UPK2: variants seen among roughly 807,000 people sequenced by gnomAD.
UPK2 encodes the protein uroplakin 2, also known as uroplakin-2.
In UPK2, 19 loss-of-function variants were observed where a neutral mutation model predicts 14.8. The ratio of observed to expected loss-of-function variants is 1.29; its 90% CI spans 0.90 to 1.89. The LOEUF (loss-of-function observed/expected upper bound fraction) is 1.89, where lower values mean the gene tolerates loss of function less well. Among genes scored for constraint, UPK2 ranks in the 40% most tolerant of loss-of-function variants. UPK2 has a pLI of 0.00. For missense variants in UPK2, 232 were observed against 236.0 expected, an observed-to-expected ratio of 0.98 and a Z score of 0.11; for synonymous variants, 102 against 101.6, an observed-to-expected ratio of 1.00 and a Z score of -0.02.
chr11:118,957,397 G>C (rs776195130), intron 3 of UPK2, 51 bp downstream of exon 3: 1 of 1,603,336 alleles, frequency 6.2e-7, no homozygotes, highest in East Asian at 2.3e-5. Flanking sequence ...TGCAGGAAGA[G>C]AGAGAAGCTA....
Position 118,958,457 on chromosome 11 carries a change from G to C in UPK2, c.*224G>C. ...TTCCTCTCACCCCACTCCTGTCAGA[G>C]TTGACTTTCCTCCCATTTTACCACT... On this transcript the variant is annotated 3_prime_UTR_variant, in exon 5 of 5. Transcript: ENST00000264031. This position sits in a 1 kb window ranked among gnomAD's most constrained non-coding sequence, Gnocchi z 4.6. The C allele has an allele frequency of 1.9e-6, 1 of 518,808 alleles. No individual in the cohort carries two copies. The highest frequency in any genetic ancestry group is 3.4e-6 in the Non-Finnish European group (1 of 292,666). The allele number at this position is 518,808 out of a possible 1,614,324, so 32.1% of individuals were successfully genotyped here. A position where few individuals can be genotyped will look rare whatever the true frequency, so the allele number is the denominator to read the frequency against.
rs142311603 is a variant in UPK2 at position 118,958,241 on chromosome 11, T to G, written c.*8T>G. ...CTGGGCTCCCGCAAGTAAGGAGGTC[T>G]GCCCGGAGCAGCAGCTTCTCCAGGA... On this transcript the variant is annotated 3_prime_UTR_variant, in exon 5 of 5. Transcript: ENST00000264031. The surrounding 1 kb of genome is among the most constrained non-coding windows in gnomAD (Gnocchi z 4.6). 6.2e-4 allele frequency: 997 copies of G among 1,609,716 alleles called. 8 individuals are homozygous for G. The African/African-American group carries it at 0.012, about 20-fold the overall frequency.
chr11:118,957,624 C>A lies in UPK2; in HGVS notation c.374C>A (p.Thr125Lys), dbSNP rs1014708283. The A allele has an allele frequency of 6.2e-7, 1 of 1,614,148 alleles. No homozygotes were observed. The change falls in exon 4 of 5, where the codon ACA becomes AAA. Residue 125 changes from threonine (T) to lysine (K), a missense_variant. Transcript: ENST00000264031. ...FYISYLVKKG[T>K]ATESSREIPM... ...ATTTCCTACCTAGTGAAGAAGGGGA[C>A]AGCCACTGAGTCCAGCAGAGAGATC...
chr11:118,958,030 AG>A lies in UPK2; in HGVS notation c.419-65del, dbSNP rs1941578680. 3.9e-6 allele frequency: 6 copies of A among 1,550,482 alleles called. No homozygotes were observed. Among genetic ancestry groups the A allele is most frequent in the Admixed American group, 1.9e-5 (1 of 53,180 alleles). ...GCAGTCTGTTGGCTGGATGAGTGTGAGGCCGTGAGCCTCAGGCAGGCTGGGG... is the reference window on the plus strand; with the variant it reads ...GCAGTCTGTTGGCTGGATGAGTGTGAGCCGTGAGCCTCAGGCAGGCTGGGG... On this transcript the variant is annotated intron_variant, in intron 4 of 4. Transcript: ENST00000264031. This position sits in a 1 kb window ranked among gnomAD's most constrained non-coding sequence, Gnocchi z 4.6.
chr11:118,957,133 C>T, intron 2 of UPK2, 75 bp from the exon 3 acceptor site: 2 of 1,610,658 alleles, frequency 1.2e-6, no homozygotes, highest in Non-Finnish European at 1.7e-6. Flanking sequence ...GGTACCCACA[C>T]TCTAAAAGCT....
In UPK2 at chr11:118,956,812, A is replaced by G. The variant is rs1941565851; in HGVS notation, c.77-71A>G. ...CAGAGTGGAAAGGGAGATGGCTCCA[A>G]TGGGACCGGGCCAGATCTGTTGGCC... On this transcript the variant is annotated intron_variant, in intron 1 of 4. Transcript: ENST00000264031. The surrounding 1 kb of genome is among the most constrained non-coding windows in gnomAD (Gnocchi z 4.1). 5.6e-6 allele frequency: 9 copies of G among 1,594,386 alleles called. No homozygotes were observed. In the South Asian group the frequency reaches 6.7e-5, roughly 12 times the overall value.
chr11:118,957,801 T>C, intron 4 of UPK2, 133 bp downstream of exon 4: 1 of 1,028,030 alleles, frequency 9.7e-7, no homozygotes, highest in Non-Finnish European at 1.5e-6. Flanking sequence ...ACCTCTATCC[T>C]AGCACGGAAC....
At position 118,958,276 on chromosome 11, in the gene UPK2, C is replaced by A; in HGVS notation, c.*43C>A. ...AGCAGCTTCTCCAGGAAGCCCAGGG[C>A]ACCATCCAGCTCCCCAGCCCACCTG... On this transcript the variant is annotated 3_prime_UTR_variant, in exon 5 of 5. Coordinates refer to ENST00000264031, the MANE Select transcript of UPK2 (RefSeq NM_006760.4). This position sits in a 1 kb window ranked among gnomAD's most constrained non-coding sequence, Gnocchi z 4.6. The A allele has an allele frequency of 6.4e-7, 1 of 1,568,574 alleles. No individual in the cohort carries two copies.
Position 118,957,249 on chromosome 11 carries a change from A to T in UPK2, c.250A>T (p.Arg84Trp), listed in dbSNP as rs1246069769. 2 of 1,614,138 alleles carry T rather than the reference A, an allele frequency of 1.2e-6. No individual in the cohort carries two copies. Among genetic ancestry groups the T allele is most frequent in the South Asian group, 2.2e-5 (2 of 91,088 alleles). The stretch of plus-strand genomic sequence containing the variant: ...TGTGGTGCCTCCGTGCCGTGGGCGC[A>T]GGGAACTGGTGAGTGTGGTGGACAG... ...SFVVPPCRGR[R>W]ELVSVVDSGA... is the part of the protein sequence containing the mutation. Residue 84 changes from arginine (R) to tryptophan (W), a missense_variant, in exon 3 of 5, where the codon AGG becomes TGG. Physicochemically the swap from Arg to Trp is moderately radical, Grantham distance 101. Transcript: ENST00000264031.
rs1941572318 is a variant in UPK2, at chr11:118,957,351, G to A, written c.347+5G>A. On this transcript the variant is annotated splice_donor_5th_base_variant and intron_variant, in intron 3 of 4. Transcript: ENST00000264031. The stretch of plus-strand genomic sequence containing the variant: ...CGTGCCAGGAACCAAATTCTAGTAG[G>A]TACTGGGTCCAGCCTGAGGCACCTA... 15 of 1,613,724 alleles carry A rather than the reference G, an allele frequency of 9.3e-6. No homozygotes were observed. The highest frequency in any genetic ancestry group is 1.2e-5 in the Non-Finnish European group (14 of 1,179,854).
Position 118,958,447 on chromosome 11 carries a change from T to C in UPK2, c.*214T>C, listed in dbSNP as rs1941582946. On this transcript the variant is annotated 3_prime_UTR_variant, in exon 5 of 5. Coordinates refer to ENST00000264031, the MANE Select transcript of UPK2 (RefSeq NM_006760.4). This position sits in a 1 kb window ranked among gnomAD's most constrained non-coding sequence, Gnocchi z 4.6. The stretch of plus-strand genomic sequence containing the variant: ...CACTCCATTATTCCTCTCACCCCAC[T>C]CCTGTCAGAGTTGACTTTCCTCCCA... 5.6e-6 allele frequency: 3 copies of C among 533,038 alleles called. No individual in the cohort carries two copies. Among genetic ancestry groups the C allele is most frequent in the Non-Finnish European group, 9.9e-6 (3 of 302,698 alleles). The allele number at this position is 533,038 out of a possible 1,614,324, so 33.0% of individuals were successfully genotyped here.
chr11:118,957,060 C>CT, intron 2 of UPK2, 46 bp downstream of exon 2: 1 of 1,611,438 alleles, frequency 6.2e-7, no homozygotes, highest in South Asian at 1.1e-5. Context: ...CCAAAGACCC[C>CT]TTCCTGCGAC....
intron 3 of UPK2, 99 bp downstream of exon 3, chr11:118,957,445 G>A (rs1941572938): frequency 6.4e-7 from 1 of 1,560,274 alleles, no homozygotes. Flanking sequence ...GAGAGGGTGA[G>A]GGCACAGCAA....
Position 118,957,366 on chromosome 11 carries a change from T to C in UPK2, c.347+20T>C. On this transcript the variant is annotated intron_variant, in intron 3 of 4. Coordinates refer to ENST00000264031, the MANE Select transcript of UPK2 (RefSeq NM_006760.4). ...ATTCTAGTAGGTACTGGGTCCAGCCTGAGGCACCTAGGGAAGGGGGTGCAG... is the reference window on the plus strand; with the variant it reads ...ATTCTAGTAGGTACTGGGTCCAGCCCGAGGCACCTAGGGAAGGGGGTGCAG... 6.2e-7 allele frequency: 1 copy of C among 1,612,320 alleles called. No homozygotes were observed. Among genetic ancestry groups the C allele is most frequent in the Non-Finnish European group, 8.5e-7 (1 of 1,179,140 alleles).
chr11:118,956,534 C>A lies in UPK2; in HGVS notation c.76+108C>A. 1 of 957,244 alleles carries A rather than the reference C, an allele frequency of 1.0e-6. No individual in the cohort carries two copies. The highest frequency in any genetic ancestry group is 1.6e-6 in the Non-Finnish European group (1 of 626,996). The allele number at this position is 957,244 out of a possible 1,614,324, so 59.3% of individuals were successfully genotyped here. On this transcript the variant is annotated intron_variant, in intron 1 of 4. Coordinates refer to ENST00000264031, the MANE Select transcript of UPK2 (RefSeq NM_006760.4). The surrounding 1 kb of genome is among the most constrained non-coding windows in gnomAD (Gnocchi z 4.1). ...AGGTCTGGACAGTTGGGAGTCAGGG[C>A]TGGTGATGGCAGTGACTGGGTATCA...
At chr11:118,957,071 A>T in intron 2 of UPK2, 57 bp downstream of exon 2, 7 of 1,607,256 alleles carry the variant, frequency 4.4e-6, no homozygotes, top group Non-Finnish European at 6.0e-6. Context: ...TTCCTGCGAC[A>T]CCCTCTGCAC....
In UPK2 at chr11:118,956,328, C is replaced by A; in HGVS notation, c.-23C>A. Reference sequence around the variant, plus strand: ...CCTCAGGAACCCCAGCCTGCCAGCACCTATTCCACCTCCCAGCCCAGCATG... The same window carrying A: ...CCTCAGGAACCCCAGCCTGCCAGCAACTATTCCACCTCCCAGCCCAGCATG... On this transcript the variant is annotated 5_prime_UTR_variant, in exon 1 of 5. Transcript: ENST00000264031. The surrounding 1 kb of genome is among the most constrained non-coding windows in gnomAD (Gnocchi z 4.1). The A allele has an allele frequency of 6.2e-7, 1 of 1,609,128 alleles. No individual in the cohort carries two copies. Among genetic ancestry groups the A allele is most frequent in the Non-Finnish European group, 8.5e-7 (1 of 1,178,542 alleles).
chr11:118,957,950 T>G, intron 4 of UPK2, 147 bp from the exon 5 acceptor site: 2 of 1,085,040 alleles, frequency 1.8e-6, no homozygotes, highest in African/African-American at 1.6e-5. Flanking sequence ...ATCAGCTGGT[T>G]GGTTGGTTGG....
chr11:118,957,935 G>C (rs1224968680), intron 4 of UPK2, among the ~76,000 whole-genome samples, 162 bp from the exon 5 acceptor site: 1 of 152,116 alleles, frequency 6.6e-6, no homozygotes, highest in Non-Finnish European at 1.5e-5. Flanking sequence ...TGGGTGTTTG[G>C]ATCCATCAGC....
Sources: gnomAD v4.1 joint callset for allele counts (sites outside exome capture counted in the v4.1 genomes callset) on GRCh38, gnomAD v4.1.1 for gene constraint, Gnocchi (gnomAD v3.1) non-coding constraint, MANE v1.5 for transcripts, NCBI Gene and HGNC (gene_info 2026-07-23, HGNC 2026-07-21) for gene names.